The following SDCCAG8 variants were observed in gnomAD, a reference collection of about 807,000 sequenced individuals.
SDCCAG8 encodes SHH signaling and ciliogenesis regulator SDCCAG8.
A neutral mutation model predicts 101.8 loss-of-function variants in SDCCAG8; 74 were observed. That is an observed-to-expected ratio of 0.73 (90% CI 0.60 to 0.88). SDCCAG8 has a LOEUF of 0.88. Ranked by LOEUF, SDCCAG8 falls within the 40% of genes least tolerant of loss-of-function variation. SDCCAG8 has a pLI of 0.00. For missense variants in SDCCAG8, 787 were observed against 822.6 expected, an observed-to-expected ratio of 0.96 and a Z score of 0.53; for synonymous variants, 281 against 292.9, an observed-to-expected ratio of 0.96 and a Z score of 0.41.
At chr1:243,411,979 C>T (rs1055085946) in intron 13 of SDCCAG8, among the ~76,000 whole-genome samples, 10 of 152,182 alleles carry the variant, frequency 6.6e-5, no homozygotes, top group African/African-American at 2.4e-4. Flanking sequence ...CTTCACCAGG[C>T]TCTCACACCC....
chr1:243,293,157 C>T lies in SDCCAG8; in HGVS notation c.613C>T (p.Pro205Ser), dbSNP rs2070441475. ...DSGVGETSKR[P>S]FSHDNADFGK... is the part of the protein sequence containing the mutation. ...TGGGGTGGGCGAAACCTCCAAAAGA[C>T]CATTTTCCCATGACAATGCAGATTT... Residue 205 changes from proline to serine, a missense_variant, in exon 6 of 18, where the codon CCA (proline) becomes TCA (serine). By Grantham distance (74) the Pro-to-Ser change is moderately conservative (BLOSUM62 -1). Coordinates refer to ENST00000366541, the MANE Select transcript of SDCCAG8 (RefSeq NM_006642.5). The T allele has an allele frequency of 1.5e-5, 24 of 1,614,094 alleles. No individual in the cohort carries two copies. Among genetic ancestry groups the T allele is most frequent in the Non-Finnish European group, 1.9e-5 (23 of 1,179,974 alleles).
At chr1:243,261,518 T>C (rs2067190761) in intron 1 of SDCCAG8, among the ~76,000 whole-genome samples, 1 of 152,232 alleles carries the variant, frequency 6.6e-6, no homozygotes, top group South Asian at 2.1e-4. Flanking sequence ...TGCTTGTATA[T>C]GATTAGCACA....
chr1:243,431,905 G>A (rs2081800640), intron 16 of SDCCAG8, among the ~76,000 whole-genome samples: 1 of 152,074 alleles, frequency 6.6e-6, no homozygotes, highest in Non-Finnish European at 1.5e-5. Flanking sequence ...ATTGTTTAAA[G>A]TATATCCATA....
intron 9 of SDCCAG8, among the ~76,000 whole-genome samples, chr1:243,325,529 G>A (rs1400978638): frequency 1.3e-5 from 2 of 151,742 alleles, no homozygotes; most frequent in Non-Finnish European, 2.9e-5. Flanking sequence ...GGTATCACAT[G>A]CTAAATAGAA....
At chr1:243,329,300 G>A (rs1394214792) in intron 9 of SDCCAG8, among the ~76,000 whole-genome samples, 2 of 152,016 alleles carry the variant, frequency 1.3e-5, no homozygotes, top group African/African-American at 4.8e-5. Context: ...TATATTTTAT[G>A]CCTGGGAGCA....
At chr1:243,418,188 C>A in intron 15 of SDCCAG8, 112 bp downstream of exon 15, 1 of 739,660 alleles carries the variant, frequency 1.4e-6, no homozygotes, top group South Asian at 1.5e-5. Flanking sequence ...AATTAGGTAT[C>A]TGCTGATGTT....
rs961110687 is a variant in SDCCAG8 at position 243,293,409 on chromosome 1, T to C, written c.675+190T>C. The C allele has an allele frequency of 1.9e-5, 14 of 734,578 alleles. No individual in the cohort carries two copies. The African/African-American group carries it at 2.1e-4, about 11-fold the overall frequency. 45.5% of individuals were successfully genotyped at this position (734,578 alleles called of 1,614,324 possible). A position where few individuals can be genotyped will look rare whatever the true frequency, so the allele number is the denominator to read the frequency against. On this transcript the variant is annotated intron_variant, in intron 6 of 17. Transcript: ENST00000366541. ...ATTATCCATTTTCAGAACTTTTTGATCATCTCAAACAAAAAGTCTGGACGT... is the reference window on the plus strand; with the variant it reads ...ATTATCCATTTTCAGAACTTTTTGACCATCTCAAACAAAAAGTCTGGACGT...
intron 16 of SDCCAG8, among the ~76,000 whole-genome samples, chr1:243,446,008 G>T (rs1292505846): frequency 6.6e-6 from 1 of 152,220 alleles, no homozygotes; most frequent in East Asian, 1.9e-4. Flanking sequence ...GAGCACAACT[G>T]TTGGGAGCAC....
intron 17 of SDCCAG8, 50 bp downstream of exon 17, chr1:243,489,190 A>AGGT (rs758581675): frequency 6.2e-7 from 1 of 1,601,302 alleles, no homozygotes; most frequent in South Asian, 1.1e-5. Context: ...GGGCGTCTAC[A>AGGT]GGTGGATCTT....
intron 8 of SDCCAG8, 136 bp from the exon 9 acceptor site, chr1:243,316,619 G>C (rs891361114): frequency 9.9e-7 from 1 of 1,010,538 alleles, no homozygotes; most frequent in Non-Finnish European, 1.5e-6. Flanking sequence ...TTTCTCTGGG[G>C]TGTGCTTTAT....
intron 8 of SDCCAG8, among the ~76,000 whole-genome samples, chr1:243,310,158 G>A (rs146493220): frequency 4.5e-4 from 68 of 152,146 alleles, no homozygotes; most frequent in African/African-American, 1.5e-3. Context: ...CACCACGCCC[G>A]GCCCGACTGG....
chr1:243,476,071 C>T (rs1662355950), intron 16 of SDCCAG8: 1 of 985,310 alleles, frequency 1.0e-6, no homozygotes, highest in Non-Finnish European at 1.2e-6. Flanking sequence ...TATCCCAACA[C>T]TCATCAGTGT....
intron 16 of SDCCAG8, among the ~76,000 whole-genome samples, chr1:243,441,030 A>G (rs2082499554): frequency 1.3e-5 from 2 of 152,226 alleles, no homozygotes; most frequent in African/African-American, 4.8e-5. Context: ...GTATATGAAC[A>G]TGGGCCAAAC....
intron 13 of SDCCAG8, among the ~76,000 whole-genome samples, chr1:243,391,729 C>T (rs1382392222): frequency 1.3e-5 from 2 of 152,174 alleles, no homozygotes; most frequent in African/African-American, 4.8e-5. Flanking sequence ...AGGAGATTTA[C>T]CAAAAGAATG....
intron 5 of SDCCAG8, among the ~76,000 whole-genome samples, chr1:243,286,840 T>G (rs2069668287): frequency 6.6e-6 from 1 of 152,228 alleles, no homozygotes; most frequent in African/African-American, 2.4e-5. Flanking sequence ...AATGTTAGTC[T>G]TCCCATTTCC....
At chr1:243,316,538 C>T (rs180984485) in intron 8 of SDCCAG8, among the ~76,000 whole-genome samples, 15 of 152,342 alleles carry the variant, frequency 9.8e-5, no homozygotes, top group Non-Finnish European at 1.8e-4. Context: ...GCACAGATGC[C>T]GTCCTGCCAC....
At chr1:243,487,267 G>A (rs143704750) in intron 16 of SDCCAG8, among the ~76,000 whole-genome samples, 1 of 151,736 alleles carries the variant, frequency 6.6e-6, no homozygotes, top group Non-Finnish European at 1.5e-5. Context: ...GACAGCCCGG[G>A]CCCCCCCCTG....
chr1:243,433,231 C>T (rs1297666730), intron 16 of SDCCAG8, among the ~76,000 whole-genome samples: 1 of 151,040 alleles, frequency 6.6e-6, no homozygotes, highest in Non-Finnish European at 1.5e-5. Flanking sequence ...CCTGGAGACA[C>T]AAAGATGTAA....
chr1:243,437,069 T>A (rs544216114), intron 16 of SDCCAG8, among the ~76,000 whole-genome samples: 1 of 152,310 alleles, frequency 6.6e-6, no homozygotes. Context: ...TTTTGGTAGA[T>A]CCAGAACTGA....
Sources: allele counts gnomAD v4.1 joint callset (sites outside exome capture counted in the v4.1 genomes callset), GRCh38; gene constraint gnomAD v4.1.1; transcripts MANE v1.5; gene names NCBI Gene and HGNC (gene_info 2026-07-23, HGNC 2026-07-21).